Variants in TDRD7 observed in about 807,000 individuals in gnomAD.
TDRD7 encodes the protein tudor domain containing 7, also known as tudor domain-containing protein 7.
TDRD7 carries 47 observed loss-of-function variants against 109.8 expected under a neutral mutation model. The ratio of observed to expected loss-of-function variants is 0.43; its 90% confidence interval spans 0.34 to 0.55. TDRD7 has a LOEUF of 0.55. TDRD7 is among the 20% of genes least tolerant of loss of function. TDRD7 has a pLI of 0.03. For missense variants in TDRD7, 1,164 were observed against 1,319.2 expected (o/e 0.88, Z 1.82); for synonymous variants, 424 against 457.3 (o/e 0.93, Z 0.93).
intron 6 of TDRD7, among the ~76,000 whole-genome samples, chr9:97,457,066 A>G (rs1456102112): frequency 6.6e-6 from 1 of 152,260 alleles, no homozygotes; most frequent in African/African-American, 2.4e-5. Flanking sequence ...ACATGAAAAA[A>G]AGCTCAACAT....
intron 6 of TDRD7, among the ~76,000 whole-genome samples, chr9:97,444,137 A>G (rs1316839602): frequency 1.3e-5 from 2 of 152,136 alleles, no homozygotes; most frequent in Non-Finnish European, 2.9e-5. Flanking sequence ...AAAACAACTG[A>G]CTGTTTTTTT....
At chr9:97,437,499 T>C (rs951197470) in intron 4 of TDRD7, among the ~76,000 whole-genome samples, 1 of 152,200 alleles carries the variant, frequency 6.6e-6, no homozygotes, top group Non-Finnish European at 1.5e-5. Context: ...AATCTAGTTA[T>C]TTGTGATCCC....
chr9:97,475,825 G>A (rs1481051653), intron 12 of TDRD7, among the ~76,000 whole-genome samples: 2 of 152,116 alleles, frequency 1.3e-5, no homozygotes, highest in African/African-American at 4.8e-5. Context: ...ATGAATAAGT[G>A]TAACTAAATG....
chr9:97,478,617 ATG>A (rs760087400), intron 13 of TDRD7, 44 bp downstream of exon 13: 3 of 1,612,328 alleles, frequency 1.9e-6, no homozygotes, highest in Non-Finnish European at 2.5e-6. Context: ...ACAGATTTGG[ATG>A]TGTTCATAAT....
chr9:97,451,631 T>C (rs1465954265), intron 6 of TDRD7, among the ~76,000 whole-genome samples: 1 of 152,336 alleles, frequency 6.6e-6, no homozygotes, highest in Non-Finnish European at 1.5e-5. Flanking sequence ...TTTCCCTGAT[T>C]TCTGTGAGCC....
intron 1 of TDRD7, among the ~76,000 whole-genome samples, chr9:97,413,341 A>G (rs1323869726): frequency 1.3e-5 from 2 of 152,220 alleles, no homozygotes; most frequent in African/African-American, 2.4e-5. Context: ...CATTTTACAA[A>G]TTGTGTGATC....
At chr9:97,423,974 T>C (rs1246147692) in intron 1 of TDRD7, among the ~76,000 whole-genome samples, 3 of 152,064 alleles carry the variant, frequency 2.0e-5, no homozygotes, top group Admixed American at 2.0e-4. Context: ...ATGTATATTC[T>C]GCTGTCTTTG....
At chr9:97,450,921 T>A (rs1167289873) in intron 6 of TDRD7, among the ~76,000 whole-genome samples, 1 of 151,368 alleles carries the variant, frequency 6.6e-6, no homozygotes, top group Non-Finnish European at 1.5e-5. Context: ...TTTTTTTTTT[T>A]AAACTAATGA....
intron 4 of TDRD7, 24 bp from the exon 5 acceptor site, chr9:97,439,221 C>CTTT: frequency 6.8e-6 from 8 of 1,177,444 alleles, no homozygotes; most frequent in Non-Finnish European, 8.1e-6. Flanking sequence ...ATTTATTTTA[C>CTTT]TTTTTTTTTT....
At chr9:97,460,030 A>G in intron 6 of TDRD7, 148 bp from the exon 7 acceptor site, 1 of 710,388 alleles carries the variant, frequency 1.4e-6, no homozygotes, top group Non-Finnish European at 2.5e-6. Flanking sequence ...GAGATAATGC[A>G]TTAAAGTCCT....
At chr9:97,458,011 T>G (rs1327711569) in intron 6 of TDRD7, among the ~76,000 whole-genome samples, 1 of 152,094 alleles carries the variant, frequency 6.6e-6, no homozygotes, top group Non-Finnish European at 1.5e-5. Context: ...TTAGGGTGGT[T>G]GAGGGGAGGG....
intron 9 of TDRD7, among the ~76,000 whole-genome samples, chr9:97,472,052 G>A (rs777949435): frequency 6.6e-6 from 1 of 151,910 alleles, no homozygotes; most frequent in Non-Finnish European, 1.5e-5. Flanking sequence ...TTGATTATCC[G>A]TTTCTCTGCT....
At chr9:97,441,610 TA>T in intron 5 of TDRD7, 47 bp from the exon 6 acceptor site, 2 of 1,473,510 alleles carry the variant, frequency 1.4e-6, no homozygotes, top group Non-Finnish European at 1.9e-6. Context: ...GGGGATAATC[TA>T]AAATGTTAAG....
chr9:97,425,615 A>G (rs987214625), intron 1 of TDRD7, among the ~76,000 whole-genome samples: 2 of 152,166 alleles, frequency 1.3e-5, no homozygotes, highest in Non-Finnish European at 2.9e-5. Context: ...GACTATACAC[A>G]CAAACACACA....
At chr9:97,441,457 G>A (rs1327231138) in intron 5 of TDRD7, among the ~76,000 whole-genome samples, 1 of 152,100 alleles carries the variant, frequency 6.6e-6, no homozygotes, top group Non-Finnish European at 1.5e-5. Context: ...TGACCCACAA[G>A]AAACACTGCT....
At position 97,431,005 on chromosome 9, in the gene TDRD7, A is replaced by C; in HGVS notation, c.280A>C (p.Lys94Gln). The change falls in exon 3 of 17, where the codon AAA becomes CAA. Residue 94 changes from lysine (K) to glutamine (Q), a missense_variant. Physicochemically the swap from Lys to Gln is moderately conservative, Grantham distance 53 (BLOSUM62 1). Around this residue, in one of 5 missense-constraint regions of TDRD7, gnomAD observed 101 missense variants for 148.5 expected, o/e 0.68. Coordinates refer to ENST00000355295, the MANE Select transcript of TDRD7 (RefSeq NM_014290.3). ...AQLVARQRSS[K>Q]RKTGRQVNCQ... ...GCTTGTGGCTCGTCAAAGGAGTTCT[A>C]AAAGGAAAACCGGGCGTCAAGTTAA... 1 of 1,613,948 alleles carries C rather than the reference A, an allele frequency of 6.2e-7. No individual in the cohort carries two copies. The highest frequency in any genetic ancestry group is 2.2e-5 in the East Asian group (1 of 44,880).
At chr9:97,439,223 T>G in intron 4 of TDRD7, 22 bp from the exon 5 acceptor site, 2 of 1,402,860 alleles carry the variant, frequency 1.4e-6, no homozygotes. Context: ...TTATTTTACT[T>G]TTTTTTTTTT....
In TDRD7 at chr9:97,475,461, C is replaced by T. The variant is rs375523180; in HGVS notation, c.2158C>T (p.Arg720Ter). Residue 720 changes from arginine (R) to a stop codon, truncating the protein, a stop_gained, in exon 12 of 17, where the codon CGA becomes TGA. Coordinates refer to ENST00000355295, the MANE Select transcript of TDRD7 (RefSeq NM_014290.3). LOFTEE classifies it high-confidence loss of function. ...CTTCCATTGCAAAGGAAAATGGTTA[C>T]GAGTAGAGGTAAAAATCAGTCACTT... ...CLFHCKGKWL[R>*]VEITNVHSSR... 8.7e-6 allele frequency: 14 copies of T among 1,610,704 alleles called. No individual in the cohort carries two copies. Among genetic ancestry groups the T allele is most frequent in the Admixed American group, 5.0e-5 (3 of 59,902 alleles).
intron 16 of TDRD7, among the ~76,000 whole-genome samples, chr9:97,493,276 C>T (rs917051743): frequency 2.6e-5 from 4 of 151,918 alleles, no homozygotes; most frequent in South Asian, 2.1e-4. Flanking sequence ...AAGTGTCGGC[C>T]GGTCTGAGAA....
Sources: allele counts gnomAD v4.1 joint callset (sites outside exome capture counted in the v4.1 genomes callset), GRCh38; gene constraint gnomAD v4.1.1; regional missense constraint gnomAD v4.1.1; transcripts MANE v1.5; gene names NCBI Gene and HGNC (gene_info 2026-07-23, HGNC 2026-07-21).